FBXW11: variants seen among roughly 807,000 people sequenced by gnomAD.
FBXW11 encodes the protein F-box/WD repeat-containing protein 11.
Under a neutral mutation model 77.6 loss-of-function variants are expected in FBXW11, and 19 were observed. That is an observed-to-expected ratio of 0.24 (90% CI 0.17 to 0.36). The LOEUF (loss-of-function observed/expected upper bound fraction) is 0.36, where lower values mean the gene tolerates loss of function less well. FBXW11 is among the 10% of genes least tolerant of loss of function. FBXW11 has a pLI of 1.00. For synonymous variants in FBXW11, 235 were observed against 249.4 expected (o/e 0.94, Z 0.54); for missense variants, 334 against 704.2 (o/e 0.47, Z 5.95).
intron 2 of FBXW11, among the ~76,000 whole-genome samples, chr5:171,920,724 CAAAAT>C: frequency 6.6e-6 from 1 of 152,076 alleles, no homozygotes; most frequent in South Asian, 2.1e-4. Flanking sequence ...TACTAATAAA[CAAAAT>C]AAAAAATAAC....
chr5:171,864,851 A>T (rs1757286426), intron 13 of FBXW11, among the ~76,000 whole-genome samples: 1 of 152,142 alleles, frequency 6.6e-6, no homozygotes, highest in Non-Finnish European at 1.5e-5. Flanking sequence ...CATACAATGC[A>T]GGCTGACATT....
chr5:171,936,685 C>T (rs897014406), intron 2 of FBXW11, among the ~76,000 whole-genome samples: 1 of 152,042 alleles, frequency 6.6e-6, no homozygotes, highest in Non-Finnish European at 1.5e-5. Flanking sequence ...ACACTACTCT[C>T]ACTACAAGAC....
intron 1 of FBXW11, among the ~76,000 whole-genome samples, chr5:171,963,526 A>C (rs934823802): frequency 6.6e-6 from 1 of 152,240 alleles, no homozygotes; most frequent in Non-Finnish European, 1.5e-5. Flanking sequence ...TCTGTGCTAC[A>C]GCCCATCAGT....
chr5:171,969,943 G>A (rs948547587), intron 1 of FBXW11, among the ~76,000 whole-genome samples: 10 of 152,144 alleles, frequency 6.6e-5, no homozygotes, highest in Non-Finnish European at 1.2e-4. Context: ...GGCCTCCAGT[G>A]ATCTGCCCAC....
At chr5:171,968,079 G>T (rs1581044626) in intron 1 of FBXW11, among the ~76,000 whole-genome samples, 1 of 152,054 alleles carries the variant, frequency 6.6e-6, no homozygotes, top group Middle Eastern at 3.4e-3. Context: ...GTTACTTAGG[G>T]ATCTTATCAT....
Position 171,876,277 on chromosome 5 carries a change from A to G in FBXW11, c.1221+8T>C. ...AACAGGTAGGGTTATGACTGCAGAC[A>G]TACTTACTTTGATGGTCCTGTCACC... On this transcript the variant is annotated splice_region_variant and intron_variant, in intron 9 of 13. Coordinates refer to ENST00000517395, the MANE Select transcript of FBXW11 (RefSeq NM_001378974.1). This position sits in a 1 kb window ranked among gnomAD's most constrained non-coding sequence, Gnocchi z 4.2. 6.2e-7 allele frequency: 1 copy of G among 1,614,112 alleles called. No homozygotes were observed. The highest frequency in any genetic ancestry group is 1.3e-5 in the African/African-American group (1 of 75,042).
In FBXW11 at chr5:171,914,418, A is replaced by G; in HGVS notation, c.148-13T>C. 6.4e-7 allele frequency: 1 copy of G among 1,569,028 alleles called. No individual in the cohort carries two copies. The highest frequency in any genetic ancestry group is 8.6e-7 in the Non-Finnish European group (1 of 1,165,416). ...TAACTGAAGTGTTCTAGGGGGGGAA[A>G]AACAGGTTATTTGAATTATACCAAG... On this transcript the variant is annotated splice_polypyrimidine_tract_variant and intron_variant, in intron 2 of 13. Transcript: ENST00000517395.
intron 1 of FBXW11, among the ~76,000 whole-genome samples, chr5:171,973,177 C>A (rs1200344122): frequency 6.6e-6 from 1 of 152,104 alleles, no homozygotes; most frequent in Non-Finnish European, 1.5e-5. Flanking sequence ...AGCCTCTGAT[C>A]TAGCTAAAAT....
chr5:171,873,737 G>T (rs967338337), intron 9 of FBXW11, among the ~76,000 whole-genome samples: 2 of 152,186 alleles, frequency 1.3e-5, no homozygotes, highest in African/African-American at 4.8e-5. Context: ...ACTTCTAATT[G>T]TATGTATGCA....
At chr5:171,864,311 T>C (rs757466716) in intron 13 of FBXW11, among the ~76,000 whole-genome samples, 1 of 152,234 alleles carries the variant, frequency 6.6e-6, no homozygotes, top group Non-Finnish European at 1.5e-5. Context: ...GAAACTATTA[T>C]GACACCTGCT....
chr5:171,936,510 A>C (rs934406041), intron 2 of FBXW11, among the ~76,000 whole-genome samples: 1 of 151,810 alleles, frequency 6.6e-6, no homozygotes, highest in Non-Finnish European at 1.5e-5. Context: ...AAAAAAAAAA[A>C]AAAAACAGGA....
chr5:171,956,472 T>C (rs1485693790), intron 2 of FBXW11, among the ~76,000 whole-genome samples: 1 of 152,224 alleles, frequency 6.6e-6, no homozygotes, highest in Non-Finnish European at 1.5e-5. Flanking sequence ...GAGGTTCCAG[T>C]ACAGTTCCCC....
intron 6 of FBXW11, among the ~76,000 whole-genome samples, chr5:171,893,440 A>AAAAAAAAAAAAAAAAC: frequency 6.7e-6 from 1 of 148,234 alleles, no homozygotes; most frequent in Non-Finnish European, 1.5e-5. Context: ...AAAAAAAAAA[A>AAAAAAAAAAAAAAAAC]AAAAAAACTA....
chr5:171,978,849 G>C (rs1157408952), intron 1 of FBXW11, among the ~76,000 whole-genome samples: 1 of 152,106 alleles, frequency 6.6e-6, no homozygotes. Context: ...CTTCACAAAA[G>C]AAATACGAAT....
At chr5:171,976,448 T>C (rs1326250152) in intron 1 of FBXW11, among the ~76,000 whole-genome samples, 2 of 152,136 alleles carry the variant, frequency 1.3e-5, no homozygotes, top group Admixed American at 1.3e-4. Context: ...GCAAGCACTG[T>C]GATAGATGCT....
chr5:171,915,297 A>G (rs1761152569), intron 2 of FBXW11, among the ~76,000 whole-genome samples: 1 of 152,168 alleles, frequency 6.6e-6, no homozygotes, highest in African/African-American at 2.4e-5. Flanking sequence ...ATTCAAAAGG[A>G]TATTATAGAT....
In FBXW11 at chr5:171,991,175, A is replaced by G. The variant is rs1316095107; in HGVS notation, c.45+15283T>C. ...ACAGATATAGTAATTCATTCAAAAA[A>G]TTTGTCGAGTATTGATTGACTGTAG... On this transcript the variant is annotated intron_variant, in intron 1 of 13. Coordinates refer to ENST00000517395, the MANE Select transcript of FBXW11 (RefSeq NM_001378974.1). 2.6e-5 allele frequency among the ~76,000 whole-genome samples: 4 copies of G among 152,272 alleles called. No individual in the cohort carries two copies. The East Asian group carries it at 7.7e-4, about 29-fold the overall frequency.
Position 172,006,626 on chromosome 5 carries a change from C to T in FBXW11, c.-124G>A. ...GCACCCACTCTAGCTGCCAGCCCGC[C>T]CGGGCCGCCGGCAGCTCCGCCCTCC... On this transcript the variant is annotated 5_prime_UTR_variant, in exon 1 of 14. Coordinates refer to ENST00000517395, the MANE Select transcript of FBXW11 (RefSeq NM_001378974.1). 2.3e-6 allele frequency: 3 copies of T among 1,299,080 alleles called. No homozygotes were observed. In the South Asian group the frequency reaches 6.6e-5, roughly 29 times the overall value. 80.5% of individuals were successfully genotyped at this position (1,299,080 alleles called of 1,614,324 possible). A position where few individuals can be genotyped will look rare whatever the true frequency, so the allele number is the denominator to read the frequency against.
chr5:171,921,429 G>T (rs1713042410), intron 2 of FBXW11, among the ~76,000 whole-genome samples: 1 of 152,156 alleles, frequency 6.6e-6, no homozygotes, highest in South Asian at 2.1e-4. Context: ...ACAGGATTCA[G>T]ACCTAAGCCT....
Sources: gnomAD v4.1 joint callset for allele counts (sites outside exome capture counted in the v4.1 genomes callset) on GRCh38, gnomAD v4.1.1 for gene constraint, Gnocchi (gnomAD v3.1) non-coding constraint, MANE v1.5 for transcripts, NCBI Gene and HGNC (gene_info 2026-07-23, HGNC 2026-07-21) for gene names.